RNF180: variants seen among roughly 807,000 people sequenced by gnomAD.
RNF180 encodes E3 ubiquitin-protein ligase RNF180.
In RNF180, 38 loss-of-function variants were observed where a neutral mutation model predicts 59.2. That is an observed-to-expected ratio of 0.64 (90% CI 0.50 to 0.84). The LOEUF is 0.84. Among genes scored for constraint, RNF180 ranks in the 40% least tolerant of loss-of-function variants. The probability of loss-of-function intolerance (pLI) is 0.00; values close to 1 mark genes in which losing one functional copy is unlikely to be tolerated. For synonymous variants in RNF180, 262 were observed against 240.3 expected (o/e 1.09, Z -0.84); for missense variants, 705 against 700.9 (o/e 1.01, Z -0.07).
At chr5:64,354,747 A>G (rs1745950664) in intron 7 of RNF180, among the ~76,000 whole-genome samples, 1 of 151,924 alleles carries the variant, frequency 6.6e-6, no homozygotes, top group Non-Finnish European at 1.5e-5. Flanking sequence ...TTATTACCAA[A>G]TGGGATTTAT....
intron 5 of RNF180, among the ~76,000 whole-genome samples, chr5:64,225,347 TGAG>T (rs1190749642): frequency 1.4e-4 from 21 of 149,022 alleles, no homozygotes; most frequent in Non-Finnish European, 3.0e-4. Context: ...GTCTGGGAAG[TGAG>T]GAGCGCCTCT....
At chr5:64,268,321 C>T (rs1411767483) in intron 5 of RNF180, among the ~76,000 whole-genome samples, 2 of 152,086 alleles carry the variant, frequency 1.3e-5, no homozygotes, top group Non-Finnish European at 1.5e-5. Context: ...TATTCTCTTC[C>T]AGCCAGATTA....
rs1010905439 is a variant in RNF180 at position 64,334,471 on chromosome 5, G to GA, written c.1579+4073dup. Among the ~76,000 whole-genome samples, 38 of 151,858 alleles carry GA rather than the reference G, an allele frequency of 2.5e-4. 1 individual carries two copies. The highest frequency in any genetic ancestry group is 1.5e-3 in the South Asian group (7 of 4,798). ...CCTTTGTAATGGTCTGTTGAGGCCT[G>GA]AAAAAAAATCGCACATAGGATTTTA... On this transcript the variant is annotated intron_variant, in intron 7 of 7. Transcript: ENST00000389100.
intron 5 of RNF180, among the ~76,000 whole-genome samples, chr5:64,254,623 T>C (rs1458777038): frequency 2.6e-5 from 4 of 152,170 alleles, no homozygotes; most frequent in Non-Finnish European, 5.9e-5. Context: ...AATAAAAATA[T>C]AGATAGGGAC....
At chr5:64,322,066 C>G (rs913171304) in intron 5 of RNF180, among the ~76,000 whole-genome samples, 1 of 152,080 alleles carries the variant, frequency 6.6e-6, no homozygotes, top group Non-Finnish European at 1.5e-5. Context: ...TAGAAGAAAA[C>G]CTAGGCAATA....
intron 1 of RNF180, among the ~76,000 whole-genome samples, chr5:64,172,936 A>G (rs966517665): frequency 5.3e-5 from 8 of 152,326 alleles, no homozygotes; most frequent in African/African-American, 1.4e-4. Context: ...ACCACTGTCA[A>G]CTGTTTAGAA....
intron 5 of RNF180, among the ~76,000 whole-genome samples, chr5:64,243,574 A>T (rs1742926225): frequency 6.6e-6 from 1 of 152,224 alleles, no homozygotes; most frequent in African/African-American, 2.4e-5. Flanking sequence ...AAAGAAAGGC[A>T]GCAGCCCCAG....
intron 7 of RNF180, among the ~76,000 whole-genome samples, chr5:64,351,021 T>C (rs1461648805): frequency 1.3e-5 from 2 of 152,022 alleles, no homozygotes; most frequent in African/African-American, 2.4e-5. Flanking sequence ...TTTCACGATA[T>C]TGATTCTTCC....
intron 5 of RNF180, among the ~76,000 whole-genome samples, chr5:64,300,060 A>T (rs895198823): frequency 6.6e-6 from 1 of 151,702 alleles, no homozygotes; most frequent in African/African-American, 2.4e-5. Context: ...TGTTCAGGTA[A>T]CCCTTATTTT....
Position 64,212,070 on chromosome 5 carries a change from A to C in RNF180, c.141A>C (p.Lys47Asn). 6.4e-7 allele frequency: 1 copy of C among 1,560,908 alleles called. No individual in the cohort carries two copies. Among genetic ancestry groups the C allele is most frequent in the Non-Finnish European group, 8.8e-7 (1 of 1,131,830 alleles). ...EYLENQVIKD[K>N]DDSVDAQNIC... The stretch of plus-strand genomic sequence containing the variant: ...CATTTATTTTTATTTAACAGGATAA[A>C]GATGATTCAGTTGATGCTCAAAATA... The change falls in exon 3 of 8, where the codon AAA becomes AAC. Residue 47 changes from lysine to asparagine, a missense_variant. Physicochemically the swap from Lys to Asn is moderately conservative, Grantham distance 94. Transcript: ENST00000389100.
At chr5:64,220,079 C>A (rs1253301020) in intron 5 of RNF180, among the ~76,000 whole-genome samples, 2 of 152,008 alleles carry the variant, frequency 1.3e-5, no homozygotes, top group Non-Finnish European at 2.9e-5. Flanking sequence ...GTAATGATAA[C>A]CTCTTTTCAA....
chr5:64,247,366 A>G (rs1743249871), intron 5 of RNF180, among the ~76,000 whole-genome samples: 2 of 152,202 alleles, frequency 1.3e-5, no homozygotes, highest in African/African-American at 2.4e-5. Context: ...AGAAAATCCC[A>G]TCGTCTCAGC....
chr5:64,325,270 G>A lies in RNF180; in HGVS notation c.1312G>A (p.Val438Ile), dbSNP rs777444158. 24 of 1,551,314 alleles carry A rather than the reference G, an allele frequency of 1.5e-5. No individual in the cohort carries two copies. Among genetic ancestry groups the A allele is most frequent in the African/African-American group, 2.7e-5 (2 of 73,024 alleles). ...CTACATCTGTGCAGTGTGTCTGGAC[G>A]TTTATTTCAACCCTTATATGTGTTA... ...DSYICAVCLD[V>I]YFNPYMCYPC... is the part of the protein sequence containing the mutation. The change falls in exon 6 of 8, where the codon GTT becomes ATT. Residue 438 changes from valine (V) to isoleucine (I), a missense_variant. By Grantham distance (29) the Val-to-Ile change is conservative. Transcript: ENST00000389100.
chr5:64,213,300 T>C (rs866120000), intron 3 of RNF180, among the ~76,000 whole-genome samples: 1 of 152,208 alleles, frequency 6.6e-6, no homozygotes, highest in Non-Finnish European at 1.5e-5. Context: ...CAAGAGACTC[T>C]CATTTAGAAT....
intron 1 of RNF180, among the ~76,000 whole-genome samples, chr5:64,176,839 G>T (rs1750263723): frequency 6.6e-6 from 1 of 152,252 alleles, no homozygotes; most frequent in African/African-American, 2.4e-5. Flanking sequence ...AATGAGAATT[G>T]CCTAGCCTAT....
chr5:64,334,884 A>G (rs1216501245), intron 7 of RNF180, among the ~76,000 whole-genome samples: 2 of 152,242 alleles, frequency 1.3e-5, no homozygotes, highest in Non-Finnish European at 2.9e-5. Context: ...CTCCTGGAAC[A>G]TAAGAGTTAC....
intron 5 of RNF180, among the ~76,000 whole-genome samples, chr5:64,233,708 T>C (rs1205119689): frequency 6.6e-6 from 1 of 152,218 alleles, no homozygotes; most frequent in African/African-American, 2.4e-5. Context: ...TTTACGGCCC[T>C]AACAAACTTG....
At chr5:64,218,113 T>A (rs1353304590) in intron 5 of RNF180, among the ~76,000 whole-genome samples, 2 of 152,148 alleles carry the variant, frequency 1.3e-5, no homozygotes, top group East Asian at 3.8e-4. Flanking sequence ...AGAGCCAACC[T>A]GTTTAATTTT....
At chr5:64,301,335 C>T (rs1478571672) in intron 5 of RNF180, among the ~76,000 whole-genome samples, 2 of 151,638 alleles carry the variant, frequency 1.3e-5, no homozygotes, top group South Asian at 4.1e-4. Context: ...AGGATTTGAT[C>T]TGCAAACGTC....
Sources: allele counts gnomAD v4.1 joint callset (sites outside exome capture counted in the v4.1 genomes callset), GRCh38; gene constraint gnomAD v4.1.1; transcripts MANE v1.5; gene names NCBI Gene and HGNC (gene_info 2026-07-23, HGNC 2026-07-21).